The following TUBA4B variants were observed in gnomAD, a reference collection of about 807,000 sequenced individuals.
TUBA4B encodes tubulin alpha 4b.
A neutral mutation model predicts 18.4 loss-of-function variants in TUBA4B; 13 were observed. The observed-to-expected ratio is 0.71, with a 90% confidence interval of 0.46 to 1.12. The LOEUF is 1.12. Among genes scored for constraint, TUBA4B ranks in the 50% most tolerant of loss-of-function variants. TUBA4B has a pLI of 0.00. For missense variants in TUBA4B, 244 were observed against 250.0 expected (o/e 0.98, Z 0.16); for synonymous variants, 101 against 99.1 (o/e 1.02, Z -0.11).
At position 219,272,035 on chromosome 2, in the gene TUBA4B, G is replaced by A; in HGVS notation, c.*336G>A. On this transcript the variant is annotated 3_prime_UTR_variant, in exon 4 of 4. Transcript: ENST00000490341. ...TATGTGGGTGAGGGCATGGAGGAGG[G>A]TGAGTTCTCCAAGGCCCATGAGGAT... 6.8e-7 allele frequency: 1 copy of A among 1,470,204 alleles called. No individual in the cohort carries two copies. Among genetic ancestry groups the A allele is most frequent in the Admixed American group, 1.7e-5 (1 of 59,538 alleles). 91.1% of individuals were successfully genotyped at this position (1,470,204 alleles called of 1,614,324 possible).
intron 1 of TUBA4B, 93 bp from the exon 2 acceptor site, chr2:219,266,428 C>A: frequency 1.6e-6 from 1 of 642,652 alleles, no homozygotes; most frequent in Non-Finnish European, 2.8e-6. Context: ...CTAACAACAT[C>A]CACCTGCTGA....
At chr2:219,263,646 T>C (rs1293389085) in intron 1 of TUBA4B, among the ~76,000 whole-genome samples, 1 of 152,118 alleles carries the variant, frequency 6.6e-6, no homozygotes, top group African/African-American at 2.4e-5. Context: ...ATCTGGACAA[T>C]AATTCCTGAG....
Position 219,272,070 on chromosome 2 carries a change from C to T in TUBA4B, c.*371C>T, listed in dbSNP as rs1951831511. The stretch of plus-strand genomic sequence containing the variant: ...CAAGGCCCATGAGGATATGACTGCC[C>T]TGGAGAAGGATTACAAGGAGGTGGG... On this transcript the variant is annotated 3_prime_UTR_variant, in exon 4 of 4. Transcript: ENST00000490341. 8.0e-7 allele frequency: 1 copy of T among 1,251,976 alleles called. No individual in the cohort carries two copies. Among genetic ancestry groups the T allele is most frequent in the Non-Finnish European group, 1.2e-6 (1 of 854,160 alleles). 77.6% of individuals were successfully genotyped at this position (1,251,976 alleles called of 1,614,324 possible).
At chr2:219,259,411 G>A (rs1161213307) in intron 1 of TUBA4B, among the ~76,000 whole-genome samples, 1 of 151,260 alleles carries the variant, frequency 6.6e-6, no homozygotes, top group East Asian at 1.9e-4. Flanking sequence ...TTGTGTGTGT[G>A]TGTATGTCCT....
At chr2:219,271,016 C>T in intron 3 of TUBA4B, 150 bp from the exon 4 acceptor site, 1 of 599,054 alleles carries the variant, frequency 1.7e-6, no homozygotes, top group Non-Finnish European at 3.0e-6. Flanking sequence ...GGGCCCTGGA[C>T]CCACTCTATG....
At chr2:219,267,687 C>T (rs369391717) in intron 2 of TUBA4B, among the ~76,000 whole-genome samples, 1 of 151,960 alleles carries the variant, frequency 6.6e-6, no homozygotes, top group Non-Finnish European at 1.5e-5. Context: ...GCCTCAGCCA[C>T]CCAAGTAGCT....
chr2:219,257,628 A>T, intron 1 of TUBA4B, among the ~76,000 whole-genome samples: 2 of 106,904 alleles, frequency 1.9e-5, no homozygotes, highest in Admixed American at 1.2e-4. Context: ...GGCAATAGTG[A>T]GAGACACTGT....
intron 1 of TUBA4B, among the ~76,000 whole-genome samples, chr2:219,262,815 C>A (rs1951767522): frequency 6.6e-6 from 1 of 151,468 alleles, no homozygotes; most frequent in Non-Finnish European, 1.5e-5. Context: ...CCAAGGTGGG[C>A]AGATCACCTG....
intron 1 of TUBA4B, among the ~76,000 whole-genome samples, chr2:219,255,908 C>A (rs2125073132): frequency 6.6e-6 from 1 of 152,286 alleles, no homozygotes; most frequent in Non-Finnish European, 1.5e-5. Flanking sequence ...TGAAATATGA[C>A]AAGGTCTTTC....
intron 1 of TUBA4B, among the ~76,000 whole-genome samples, chr2:219,258,926 G>A (rs1338124301): frequency 1.3e-5 from 2 of 151,968 alleles, no homozygotes; most frequent in Non-Finnish European, 2.9e-5. Flanking sequence ...GTAGCTAAGA[G>A]TTTATAATCC....
At chr2:219,255,423 G>A (rs1460707586) in intron 1 of TUBA4B, among the ~76,000 whole-genome samples, 2 of 152,092 alleles carry the variant, frequency 1.3e-5, no homozygotes, top group Admixed American at 1.3e-4. Context: ...AGTAGAGACG[G>A]GGTTTCACCA....
intron 1 of TUBA4B, among the ~76,000 whole-genome samples, chr2:219,260,721 C>G (rs1951754726): frequency 6.6e-6 from 1 of 152,202 alleles, no homozygotes; most frequent in Admixed American, 6.5e-5. Flanking sequence ...CGCCTGTAAT[C>G]CCAGCACTTT....
intron 1 of TUBA4B, among the ~76,000 whole-genome samples, chr2:219,258,037 A>T (rs2125074066): frequency 7.8e-6 from 1 of 127,672 alleles, no homozygotes; most frequent in African/African-American, 3.1e-5. Context: ...CCCAGGCTGG[A>T]GTGCAGTAGT....
Position 219,253,354 on chromosome 2 carries a change from C to CGT in TUBA4B, c.-53_-52insTG. On this transcript the variant is annotated 5_prime_UTR_variant, in exon 1 of 4. Transcript: ENST00000490341. ...AGCTCAGACGCGGGGTGCTGAGTCA[C>CGT]GGGGGGGGGGTGGTTCTGTGGATAG... 7.7e-7 allele frequency: 1 copy of CGT among 1,301,916 alleles called. No individual in the cohort carries two copies. Among genetic ancestry groups the CGT allele is most frequent in the Non-Finnish European group, 1.0e-6 (1 of 967,762 alleles). 80.6% of individuals were successfully genotyped at this position (1,301,916 alleles called of 1,614,324 possible).
chr2:219,260,843 G>A (rs1027933489), intron 1 of TUBA4B, among the ~76,000 whole-genome samples: 4 of 151,994 alleles, frequency 2.6e-5, no homozygotes, highest in Non-Finnish European at 4.4e-5. Context: ...CTTGGTGGCG[G>A]GCACCTGTAA....
rs1243209324 is a variant in TUBA4B, at chr2:219,253,398, G to A, written c.-10G>A. On this transcript the variant is annotated 5_prime_UTR_variant, in exon 1 of 4. Coordinates refer to ENST00000490341, the MANE Select transcript of TUBA4B (RefSeq NM_001355221.1). ...TGGATAGTTGGAATGCATACACAGAGGAAAGGGGGATGCGGCACCAGGTAA... is the reference window on the plus strand; with the variant it reads ...TGGATAGTTGGAATGCATACACAGAAGAAAGGGGGATGCGGCACCAGGTAA... The A allele has an allele frequency of 3.3e-6, 5 of 1,533,192 alleles. No homozygotes were observed. In the African/African-American group the frequency reaches 5.5e-5, roughly 17 times the overall value. The allele number at this position is 1,533,192 out of a possible 1,614,324, so 95.0% of individuals were successfully genotyped here. A position where few individuals can be genotyped will look rare whatever the true frequency, so the allele number is the denominator to read the frequency against.
Position 219,259,812 on chromosome 2 carries a change from G to A in TUBA4B, c.12+6393G>A, listed in dbSNP as rs543550830. Among the ~76,000 whole-genome samples, 3 of 152,108 alleles carry A rather than the reference G, an allele frequency of 2.0e-5. No individual in the cohort carries two copies. In the South Asian group the frequency reaches 6.2e-4, roughly 32 times the overall value. On this transcript the variant is annotated intron_variant, in intron 1 of 3. Coordinates refer to ENST00000490341, the MANE Select transcript of TUBA4B (RefSeq NM_001355221.1). ...TGATGTGCATCCTTCAGTTTTTCCA[G>A]ACTAGAGCATCTCCCAGCCATCCTC...
chr2:219,256,063 C>A (rs1951717434), intron 1 of TUBA4B, among the ~76,000 whole-genome samples: 2 of 152,200 alleles, frequency 1.3e-5, no homozygotes, highest in Admixed American at 6.5e-5. Flanking sequence ...GGACACATGG[C>A]AGTAGGTTGC....
Position 219,266,799 on chromosome 2 carries a change from GC to G in TUBA4B, c.58+234del, listed in dbSNP as rs771568312. Among the ~76,000 whole-genome samples the G allele has an allele frequency of 1.7e-4, 26 of 152,130 alleles. 1 individual carries two copies. Among genetic ancestry groups the G allele is most frequent in the Non-Finnish European group, 3.4e-4 (23 of 68,014 alleles). On this transcript the variant is annotated intron_variant, in intron 2 of 3. Coordinates refer to ENST00000490341, the MANE Select transcript of TUBA4B (RefSeq NM_001355221.1). ...AGTTTAATGGTAACCAGGTTGTGGG[GC>G]TGAGCCTAGGCTGAGAAGCAGGGCT...
Sources: gnomAD v4.1 joint callset for allele counts (sites outside exome capture counted in the v4.1 genomes callset) on GRCh38, gnomAD v4.1.1 for gene constraint, MANE v1.5 for transcripts, NCBI Gene and HGNC (gene_info 2026-07-23, HGNC 2026-07-21) for gene names.